Variants in DIAPH3 observed in about 807,000 individuals in gnomAD.
DIAPH3 encodes the protein diaphanous related formin 3.
Under a neutral mutation model 144.3 loss-of-function variants are expected in DIAPH3, and 117 were observed. The observed-to-expected ratio is 0.81, with a 90% CI of 0.70 to 0.95. DIAPH3 has a LOEUF of 0.95. Among genes scored for constraint, DIAPH3 ranks in the 40% least tolerant of loss-of-function variants. The pLI, the probability that DIAPH3 is intolerant of heterozygous loss-of-function variation, is 0.00. For missense variants in DIAPH3, 1,421 were observed against 1,412.7 expected, an observed-to-expected ratio of 1.01 and a Z score of -0.09; for synonymous variants, 519 against 488.9, an observed-to-expected ratio of 1.06 and a Z score of -0.81.
intron 27 of DIAPH3, among the ~76,000 whole-genome samples, chr13:59,710,280 GAAAA>G (rs1159252127): frequency 7.2e-6 from 1 of 138,336 alleles, no homozygotes; most frequent in Non-Finnish European, 1.6e-5. Context: ...ATTTATTTTG[GAAAA>G]AAAAAAAAGA....
At chr13:59,777,796 G>A (rs1450936174) in intron 25 of DIAPH3, among the ~76,000 whole-genome samples, 4 of 152,016 alleles carry the variant, frequency 2.6e-5, no homozygotes, top group African/African-American at 9.7e-5. Context: ...GATAAAGAGA[G>A]GAAGAAATAG....
intron 25 of DIAPH3, among the ~76,000 whole-genome samples, chr13:59,785,763 T>C (rs2139364586): frequency 6.6e-6 from 1 of 152,286 alleles, no homozygotes; most frequent in African/African-American, 2.4e-5. Context: ...AAGCTAGAAG[T>C]GGCCGTGTGA....
chr13:59,754,993 T>C (rs2037185306), intron 27 of DIAPH3, among the ~76,000 whole-genome samples: 1 of 152,210 alleles, frequency 6.6e-6, no homozygotes, highest in Non-Finnish European at 1.5e-5. Context: ...ACCTACATCA[T>C]TAACTTCTTT....
At chr13:59,684,782 TA>T (rs2033128111) in intron 27 of DIAPH3, among the ~76,000 whole-genome samples, 1 of 152,172 alleles carries the variant, frequency 6.6e-6, no homozygotes, top group Non-Finnish European at 1.5e-5. Context: ...GTTGTACAAA[TA>T]AAGAAAGAAC....
In DIAPH3 at chr13:59,879,290, T is replaced by C; in HGVS notation, c.2546A>G (p.Tyr849Cys). 6.2e-7 allele frequency: 1 copy of C among 1,612,294 alleles called. No individual in the cohort carries two copies. Among genetic ancestry groups the C allele is most frequent in the Non-Finnish European group, 8.5e-7 (1 of 1,178,380 alleles). The change falls in exon 21 of 28, where the codon TAC (tyrosine) becomes TGC (cysteine). Residue 849 changes from tyrosine (Y) to cysteine (C), a missense_variant. Coordinates refer to ENST00000400324, the MANE Select transcript of DIAPH3 (RefSeq NM_001042517.2). The stretch of plus-strand genomic sequence containing the variant: ...AGCATTCCGGGAGCCAGCATTCATG[T>C]AGTTTCCCATTAGCAATACAAGTTC... ...LLELVLLMGN[Y>C]MNAGSRNAQT... is the part of the protein sequence containing the mutation.
At chr13:60,013,209 C>T (rs1305584725) in intron 7 of DIAPH3, 16 of 985,240 alleles carry the variant, frequency 1.6e-5, no homozygotes, top group South Asian at 9.4e-5. Context: ...TGCCAGGTTC[C>T]GCCTGCATTC....
rs56267083 is a variant in DIAPH3, at chr13:60,125,394, A to ATTTTTTTTTTTTTTT, written c.213+7548_213+7562dup. Reference sequence around the variant, plus strand: ...ATCTGCATACCATCACACCCAGCTAATTTTTTTTTTTTTTTTTTTTTTTTT... The same window carrying ATTTTTTTTTTTTTTT: ...ATCTGCATACCATCACACCCAGCTAATTTTTTTTTTTTTTTTTTTTTTTTTTTTTTTTTTTTTTTT... On this transcript the variant is annotated intron_variant, in intron 2 of 27. Coordinates refer to ENST00000400324, the MANE Select transcript of DIAPH3 (RefSeq NM_001042517.2). Among the ~76,000 whole-genome samples the ATTTTTTTTTTTTTTT allele has an allele frequency of 6.4e-4, 63 of 97,846 alleles. 4 individuals carry two copies. Among genetic ancestry groups the ATTTTTTTTTTTTTTT allele is most frequent in the African/African-American group, 1.9e-3 (46 of 24,358 alleles). 64.2% of individuals were successfully genotyped at this position (97,846 alleles called of 152,430 possible).
chr13:59,731,794 T>A (rs2035904164), intron 27 of DIAPH3, among the ~76,000 whole-genome samples: 1 of 152,186 alleles, frequency 6.6e-6, no homozygotes, highest in African/African-American at 2.4e-5. Flanking sequence ...TTGCTTAGCT[T>A]TTCACAGCTG....
intron 27 of DIAPH3, among the ~76,000 whole-genome samples, chr13:59,667,397 G>T (rs2032083877): frequency 6.6e-6 from 1 of 152,160 alleles, no homozygotes; most frequent in Non-Finnish European, 1.5e-5. Flanking sequence ...GTGCAAAGTA[G>T]GTCCTCAATA....
intron 22 of DIAPH3, among the ~76,000 whole-genome samples, chr13:59,854,385 T>C (rs1355200271): frequency 6.6e-6 from 1 of 152,200 alleles, no homozygotes; most frequent in East Asian, 1.9e-4. Flanking sequence ...TAATTCAAGA[T>C]TCTGTAAGAT....
chr13:60,087,798 AC>A (rs1301633169), intron 4 of DIAPH3, among the ~76,000 whole-genome samples: 2 of 151,730 alleles, frequency 1.3e-5, no homozygotes, highest in African/African-American at 4.8e-5. Flanking sequence ...AAAAAAAAAA[AC>A]ATAAATAGAA....
intron 4 of DIAPH3, among the ~76,000 whole-genome samples, chr13:60,055,749 A>G (rs1282524883): frequency 6.6e-6 from 1 of 151,948 alleles, no homozygotes; most frequent in East Asian, 1.9e-4. Flanking sequence ...AAAAATACAC[A>G]TATCTCTTCA....
rs552472332 is a variant in DIAPH3, at chr13:60,159,424, A to G, written c.180+4163T>C. Reference sequence around the variant, plus strand: ...GTGGATCACTTGAGGTCAGGAGTTCAAGACCTGCCTGGCCAACATGGTGAA... The same window carrying G: ...GTGGATCACTTGAGGTCAGGAGTTCGAGACCTGCCTGGCCAACATGGTGAA... On this transcript the variant is annotated intron_variant, in intron 1 of 27. Coordinates refer to ENST00000400324, the MANE Select transcript of DIAPH3 (RefSeq NM_001042517.2). 1.2e-4 allele frequency among the ~76,000 whole-genome samples: 18 copies of G among 151,728 alleles called. No individual in the cohort carries two copies. In the South Asian group the frequency reaches 3.8e-3, roughly 32 times the overall value.
chr13:59,792,994 T>A (rs903435617), intron 25 of DIAPH3, among the ~76,000 whole-genome samples: 2 of 152,226 alleles, frequency 1.3e-5, no homozygotes, highest in African/African-American at 4.8e-5. Context: ...TCCCACTCCC[T>A]GAGAGGGTTT....
At chr13:59,918,347 A>G (rs2047336859) in intron 18 of DIAPH3, among the ~76,000 whole-genome samples, 4 of 152,244 alleles carry the variant, frequency 2.6e-5, no homozygotes, top group Non-Finnish European at 2.9e-5. Flanking sequence ...CCTGACAGGT[A>G]TCTGCAGTCT....
intron 1 of DIAPH3, among the ~76,000 whole-genome samples, chr13:60,144,257 C>T (rs1951404582): frequency 6.6e-6 from 1 of 152,110 alleles, no homozygotes; most frequent in African/African-American, 2.4e-5. Context: ...AATCAATACC[C>T]AAAGATGGAG....
intron 24 of DIAPH3, among the ~76,000 whole-genome samples, chr13:59,814,298 T>C (rs1206020182): frequency 2.6e-5 from 4 of 152,162 alleles, no homozygotes; most frequent in South Asian, 2.1e-4. Flanking sequence ...AATGTTTACA[T>C]TTAGAAATAA....
Position 60,022,247 on chromosome 13 carries a change from C to T in DIAPH3, c.627-6102G>A, listed in dbSNP as rs144522414. Among the ~76,000 whole-genome samples, 499 of 152,210 alleles carry T rather than the reference C, an allele frequency of 3.3e-3. 4 individuals carry two copies. The highest frequency in any genetic ancestry group is 0.02 in the Middle Eastern group (6 of 294). ...GACCTGCATGCCTTTATTTCCTTTT[C>T]TTGCTTCAGTGTTCTACCTAGAACT... On this transcript the variant is annotated intron_variant, in intron 5 of 27. Coordinates refer to ENST00000400324, the MANE Select transcript of DIAPH3 (RefSeq NM_001042517.2).
Position 59,668,240 on chromosome 13 carries a change from T to C in DIAPH3, c.3320-1394A>G, listed in dbSNP as rs572358467. 3.3e-5 allele frequency among the ~76,000 whole-genome samples: 5 copies of C among 152,358 alleles called. 1 individual carries two copies. In the East Asian group the frequency reaches 9.6e-4, roughly 29 times the overall value. ...GTAGATGTGGTATTCCTGCAGTTCC[T>C]ATGACCACATCCTTTTCTTTTCTAG... On this transcript the variant is annotated intron_variant, in intron 27 of 27. Coordinates refer to ENST00000400324, the MANE Select transcript of DIAPH3 (RefSeq NM_001042517.2).
Sources: gnomAD v4.1 joint callset for allele counts (sites outside exome capture counted in the v4.1 genomes callset) on GRCh38, gnomAD v4.1.1 for gene constraint, MANE v1.5 for transcripts, NCBI Gene and HGNC (gene_info 2026-07-23, HGNC 2026-07-21) for gene names.